Variants in SYNE1 observed in about 807,000 individuals in gnomAD.
SYNE1 encodes nesprin-1.
In SYNE1, 616 loss-of-function variants were observed where a neutral mutation model predicts 1,111.0. The observed-to-expected ratio is 0.55, with a 90% CI of 0.52 to 0.59. SYNE1 has a LOEUF of 0.59. Among genes scored for constraint, SYNE1 ranks in the 20% least tolerant of loss-of-function variants. The pLI is 0.00. For missense variants in SYNE1, 10,006 were observed against 10,417.0 expected (o/e 0.96, Z 1.72); for synonymous variants, 3,855 against 3,825.8 (o/e 1.01, Z -0.28).
At chr6:152,428,972 G>A (rs868136495) in intron 36 of SYNE1, among the ~76,000 whole-genome samples, 5 of 151,764 alleles carry the variant, frequency 3.3e-5, no homozygotes, top group South Asian at 2.1e-4. Flanking sequence ...TGCTAAATAC[G>A]TATTTAAAAA....
intron 3 of SYNE1, among the ~76,000 whole-genome samples, chr6:152,544,555 A>AAG (rs543422485): frequency 1.3e-4 from 20 of 151,422 alleles, no homozygotes; most frequent in South Asian, 4.2e-4. Context: ...AAAAAAAAAA[A>AAG]GGGTTCTGGC....
chr6:152,445,631 A>C (rs214992), intron 29 of SYNE1, among the ~76,000 whole-genome samples: 32,109 of 151,950 alleles, frequency 0.21, 3,570 homozygotes, highest in East Asian at 0.35. Context: ...ACCTTACGAA[A>C]ACCACAAACT....
intron 144 of SYNE1, among the ~76,000 whole-genome samples, chr6:152,131,664 G>C (rs933261583): frequency 2.0e-5 from 3 of 152,116 alleles, no homozygotes; most frequent in Non-Finnish European, 4.4e-5. Flanking sequence ...CCACCCAGAA[G>C]CGGCTTAGCT....
intron 45 of SYNE1, 48 bp downstream of exon 45, chr6:152,406,966 G>A: frequency 6.8e-7 from 1 of 1,471,264 alleles, no homozygotes; most frequent in Non-Finnish European, 9.3e-7. Context: ...TTCATATTCT[G>A]GTCAACAATA....
intron 3 of SYNE1, among the ~76,000 whole-genome samples, chr6:152,544,986 C>T (rs1279021623): frequency 6.6e-6 from 1 of 152,104 alleles, no homozygotes; most frequent in Non-Finnish European, 1.5e-5. Context: ...TCACAGGGTC[C>T]TATGACCACT....
rs3734366 is a variant in SYNE1, at chr6:152,330,522, G to A, written c.14163C>T (p.Asp4721=). ...SLQDGCRAIL[D]EVAGLGEAVD... ...CCGCCTCCCCAAGGCCCGCCACCTCGTCCAGAATGGCTCTGCAACCATCTT... is the reference window on the plus strand; with the variant it reads ...CCGCCTCCCCAAGGCCCGCCACCTCATCCAGAATGGCTCTGCAACCATCTT... Residue 4721 remains aspartate, a synonymous_variant, in exon 78 of 146, where the codon GAC becomes GAT. Transcript: ENST00000367255. The A allele has an allele frequency of 5.7e-4, 913 of 1,614,040 alleles. 8 individuals carry two copies. The East Asian group carries it at 0.014, about 24-fold the overall frequency.
chr6:152,331,472 T>A lies in SYNE1; in HGVS notation c.13213A>T (p.Ile4405Leu). The A allele has an allele frequency of 6.2e-7, 1 of 1,614,168 alleles. No homozygotes were observed. The highest frequency in any genetic ancestry group is 8.5e-7 in the Non-Finnish European group (1 of 1,180,018). ...EAKQMLLKSL[I>L]KDADRVMADL... ...GCCATGACCCTGTCTGCGTCCTTTATAAGCGATTTCAGGAGCATCTGCTTG... is the reference window on the plus strand; with the variant it reads ...GCCATGACCCTGTCTGCGTCCTTTAAAAGCGATTTCAGGAGCATCTGCTTG... The change falls in exon 78 of 146, where the codon ATA (isoleucine) becomes TTA (leucine). Residue 4405 changes from isoleucine (I) to leucine (L), a missense_variant. Transcript: ENST00000367255.
At chr6:152,620,549 TTTA>T (rs1468707213) in intron 3 of SYNE1, among the ~76,000 whole-genome samples, 1 of 152,224 alleles carries the variant, frequency 6.6e-6, no homozygotes, top group Non-Finnish European at 1.5e-5. Context: ...ACAGTTTTTC[TTTA>T]TTTCAAAACT....
At chr6:152,382,666 A>G (rs1179851460) in intron 55 of SYNE1, among the ~76,000 whole-genome samples, 1 of 152,180 alleles carries the variant, frequency 6.6e-6, no homozygotes, top group East Asian at 1.9e-4. Flanking sequence ...TGAAGAAAAA[A>G]ATCTAACTTT....
intron 6 of SYNE1, 24 bp downstream of exon 6, chr6:152,520,435 A>C: frequency 6.2e-7 from 1 of 1,611,302 alleles, no homozygotes; most frequent in Non-Finnish European, 8.5e-7. Flanking sequence ...TTCCTTGGGC[A>C]TTTTGTTTTT....
At chr6:152,485,071 ACACT>A in intron 12 of SYNE1, 99 bp from the exon 13 acceptor site, 1 of 1,291,854 alleles carries the variant, frequency 7.7e-7, no homozygotes, top group Non-Finnish European at 1.1e-6. Flanking sequence ...TATTTGGATA[ACACT>A]CAATATATGT....
At chr6:152,569,136 A>C (rs182013024) in intron 3 of SYNE1, among the ~76,000 whole-genome samples, 94 of 152,312 alleles carry the variant, frequency 6.2e-4, no homozygotes, top group African/African-American at 2.1e-3. Flanking sequence ...CTTGTTAGAA[A>C]TGTAAATTCC....
chr6:152,580,078 A>T (rs1293840687), intron 3 of SYNE1, among the ~76,000 whole-genome samples: 2 of 152,204 alleles, frequency 1.3e-5, no homozygotes, highest in Non-Finnish European at 2.9e-5. Context: ...AAGTTGTTGG[A>T]GAAATCTCCA....
At chr6:152,274,890 A>G (rs2093483388) in intron 98 of SYNE1, among the ~76,000 whole-genome samples, 11 of 151,692 alleles carry the variant, frequency 7.3e-5, no homozygotes, top group Admixed American at 7.2e-4. Context: ...GCCATGGCCC[A>G]TTTGTTTATT....
chr6:152,299,135 C>T (rs370149367), intron 93 of SYNE1, among the ~76,000 whole-genome samples: 4 of 152,252 alleles, frequency 2.6e-5, no homozygotes, highest in East Asian at 1.9e-4. Flanking sequence ...TGACACTTTA[C>T]AAGAAGTAGC....
At chr6:152,156,682 G>A (rs888807542) in intron 131 of SYNE1, among the ~76,000 whole-genome samples, 2 of 152,138 alleles carry the variant, frequency 1.3e-5, no homozygotes, top group African/African-American at 4.8e-5. Context: ...AAGTCTGTAT[G>A]TATTCAATAC....
rs2096402150 is a variant in SYNE1, at chr6:152,336,858, T to C, written c.12511A>G (p.Met4171Val). 6.2e-7 allele frequency: 1 copy of C among 1,613,764 alleles called. No homozygotes were observed. The highest frequency in any genetic ancestry group is 1.3e-5 in the African/African-American group (1 of 75,044). The change falls in exon 76 of 146, where the codon ATG becomes GTG. Residue 4171 changes from methionine (M) to valine (V), a missense_variant. Around this residue, in one of 7 missense-constraint regions of SYNE1, gnomAD observed 4,955 missense variants for 5,017.2 expected, o/e 0.99. Transcript: ENST00000367255. ...SELELNIAQN[M>V]VSQVKDFVKK... ...ATTCCCACCTTAACTTGTGAAACCA[T>C]GTTCTGTGCAATGTTCAGCTCCAGC...
intron 124 of SYNE1, among the ~76,000 whole-genome samples, chr6:152,208,965 T>C (rs2077028571): frequency 1.3e-5 from 2 of 152,152 alleles, no homozygotes. Context: ...CTCTCTGTTT[T>C]CTGGCTTTAA....
At chr6:152,300,000 A>G (rs556967555) in intron 93 of SYNE1, among the ~76,000 whole-genome samples, 1 of 152,304 alleles carries the variant, frequency 6.6e-6, no homozygotes, top group Admixed American at 6.5e-5. Context: ...GCTTTTTGAC[A>G]TTTAATTTAG....
Sources: gnomAD v4.1 joint callset for allele counts (sites outside exome capture counted in the v4.1 genomes callset) on GRCh38, gnomAD v4.1.1 for gene constraint, gnomAD v4.1.1 regional missense constraint, MANE v1.5 for transcripts, NCBI Gene and HGNC (gene_info 2026-07-23, HGNC 2026-07-21) for gene names.